TSHZ3: variants seen among roughly 807,000 people sequenced by gnomAD.
TSHZ3 encodes teashirt homolog 3.
A neutral mutation model predicts 64.5 loss-of-function variants in TSHZ3; 10 were observed. The observed-to-expected ratio is 0.16, with a 90% CI of 0.10 to 0.26. The LOEUF is 0.26. Among genes scored for constraint, TSHZ3 ranks in the 10% least tolerant of loss-of-function variants. TSHZ3 has a pLI of 1.00. For synonymous variants in TSHZ3, 608 were observed against 593.1 expected (o/e 1.03, Z -0.36); for missense variants, 1,242 against 1,421.7 (o/e 0.87, Z 2.03).
At chr19:31,315,163 C>T (rs1180533808) in intron 1 of TSHZ3, among the ~76,000 whole-genome samples, 4 of 152,256 alleles carry the variant, frequency 2.6e-5, no homozygotes, top group Non-Finnish European at 5.9e-5. Flanking sequence ...GGAACAGATG[C>T]TGAAAGGCGC....
At chr19:31,257,853 T>C (rs1975932238) in intron 1 of TSHZ3, among the ~76,000 whole-genome samples, 1 of 152,180 alleles carries the variant, frequency 6.6e-6, no homozygotes, top group South Asian at 2.1e-4. Flanking sequence ...CAGATCTGAC[T>C]GGGGATTTAA....
intron 1 of TSHZ3, among the ~76,000 whole-genome samples, chr19:31,259,653 A>T (rs1440789245): frequency 6.8e-6 from 1 of 147,912 alleles, no homozygotes; most frequent in African/African-American, 2.5e-5. Context: ...GCTGGAAATA[A>T]AAAAAAAAAG....
At chr19:31,247,712 T>A (rs536924053) in intron 1 of TSHZ3, among the ~76,000 whole-genome samples, 5 of 152,180 alleles carry the variant, frequency 3.3e-5, no homozygotes, top group Non-Finnish European at 7.3e-5. Context: ...TTTTGTGTAT[T>A]TTCTAATTCC....
At chr19:31,340,940 C>T (rs538286678) in intron 1 of TSHZ3, among the ~76,000 whole-genome samples, 11 of 152,370 alleles carry the variant, frequency 7.2e-5, no homozygotes, top group African/African-American at 2.6e-4. Context: ...CCTTCCATCT[C>T]TCAACCACTG....
intron 5 of TSHZ3, among the ~76,000 whole-genome samples, chr19:31,180,487 C>T (rs546661153): frequency 6.6e-6 from 1 of 152,346 alleles, no homozygotes; most frequent in African/African-American, 2.4e-5. Context: ...GAAATTTCCA[C>T]AAGCCCAAAC....
intron 5 of TSHZ3, among the ~76,000 whole-genome samples, chr19:31,156,524 A>C (rs1044335815): frequency 1.3e-5 from 2 of 152,112 alleles, no homozygotes; most frequent in African/African-American, 2.4e-5. Flanking sequence ...CATCTATTTA[A>C]AGTGAAGAAG....
At chr19:31,348,164 G>A (rs1030381537) in intron 1 of TSHZ3, among the ~76,000 whole-genome samples, 1 of 152,164 alleles carries the variant, frequency 6.6e-6, no homozygotes, top group Non-Finnish European at 1.5e-5. Context: ...TCCCAAAGTT[G>A]CACTGACAGG....
At chr19:31,190,836 G>A (rs1652011640) in intron 5 of TSHZ3, among the ~76,000 whole-genome samples, 1 of 151,798 alleles carries the variant, frequency 6.6e-6, no homozygotes, top group South Asian at 2.1e-4. Flanking sequence ...GTGAATGAGT[G>A]GGAAATCTCA....
intron 1 of TSHZ3, among the ~76,000 whole-genome samples, chr19:31,283,930 T>C (rs1976410153): frequency 6.6e-6 from 1 of 152,046 alleles, no homozygotes; most frequent in Non-Finnish European, 1.5e-5. Flanking sequence ...AACAGGGGTG[T>C]GGGGCAGGGC....
intron 5 of TSHZ3, among the ~76,000 whole-genome samples, chr19:31,181,972 C>A (rs576032447): frequency 1.1e-4 from 16 of 152,242 alleles, no homozygotes; most frequent in African/African-American, 3.6e-4. Flanking sequence ...CTCTAGAGTC[C>A]GTGCTCCTGC....
chr19:31,224,457 G>A (rs1225719375), intron 4 of TSHZ3, among the ~76,000 whole-genome samples: 1 of 152,202 alleles, frequency 6.6e-6, no homozygotes, highest in Non-Finnish European at 1.5e-5. Context: ...ATTCTGAAGG[G>A]GGAAAAGGAA....
At chr19:31,194,062 GA>G (rs1974951038) in intron 5 of TSHZ3, among the ~76,000 whole-genome samples, 1 of 115,446 alleles carries the variant, frequency 8.7e-6, no homozygotes. Context: ...AGCAAATACA[GA>G]GAATCACAAC....
intron 1 of TSHZ3, among the ~76,000 whole-genome samples, chr19:31,325,817 T>TCAAA (rs1360971504): frequency 6.6e-6 from 1 of 151,862 alleles, no homozygotes; most frequent in Non-Finnish European, 1.5e-5. Flanking sequence ...TTCACTAGAG[T>TCAAA]CAAACGTGGC....
chr19:31,299,809 C>G (rs1976723351), intron 1 of TSHZ3, among the ~76,000 whole-genome samples: 1 of 152,310 alleles, frequency 6.6e-6, no homozygotes, highest in South Asian at 2.1e-4. Flanking sequence ...CTCTGAGGCT[C>G]AGGGCAGCCC....
rs144989916 is a variant in TSHZ3, at chr19:31,301,962, A to G, written c.41-22210T>C. 4.2e-4 allele frequency among the ~76,000 whole-genome samples: 64 copies of G among 152,248 alleles called. 3 individuals carry two copies. In the East Asian group the frequency reaches 0.012, roughly 28 times the overall value. ...GAACTCAGGTCCCTAGGCGCCTGTT[A>G]CATTCCACACCCTGGACATCTTAGT... On this transcript the variant is annotated intron_variant, in intron 1 of 1. Coordinates refer to ENST00000240587, the MANE Select transcript of TSHZ3 (RefSeq NM_020856.4).
downstream of TSHZ3, among the ~76,000 whole-genome samples, chr19:31,273,298 C>T (rs1441918420): frequency 1.3e-5 from 2 of 152,184 alleles, no homozygotes; most frequent in Non-Finnish European, 2.9e-5. Flanking sequence ...CATGGACCCC[C>T]ACGTATATGA....
intron 1 of TSHZ3, among the ~76,000 whole-genome samples, chr19:31,303,965 CT>C (rs970925684): frequency 5.0e-5 from 7 of 139,898 alleles, no homozygotes; most frequent in Admixed American, 2.2e-4. Context: ...AGTCCTCACT[CT>C]TTTTTTTATT....
chr19:31,257,579 G>A (rs1366893103), intron 1 of TSHZ3, among the ~76,000 whole-genome samples: 1 of 152,210 alleles, frequency 6.6e-6, no homozygotes, highest in Admixed American at 6.5e-5. Context: ...CCACTCTGGA[G>A]AAGGAAGGCT....
At chr19:31,284,209 G>A (rs533443148) in intron 1 of TSHZ3, among the ~76,000 whole-genome samples, 15 of 152,012 alleles carry the variant, frequency 9.9e-5, no homozygotes, top group African/African-American at 2.2e-4. Flanking sequence ...GTAGGTGAGT[G>A]GGGGGTCATG....
Sources: gnomAD v4.1 joint callset for allele counts (sites outside exome capture counted in the v4.1 genomes callset) on GRCh38, gnomAD v4.1.1 for gene constraint, MANE v1.5 for transcripts, NCBI Gene and HGNC (gene_info 2026-07-23, HGNC 2026-07-21) for gene names.